The following ANKRD44 variants were observed in gnomAD, a reference collection of about 807,000 sequenced individuals.
ANKRD44 encodes the protein serine/threonine-protein phosphatase 6 regulatory ankyrin repeat subunit B.
Under a neutral mutation model 116.0 loss-of-function variants are expected in ANKRD44, and 35 were observed. The ratio of observed to expected loss-of-function variants is 0.30; its 90% CI spans 0.23 to 0.40. The LOEUF is 0.40. ANKRD44 is among the 10% of genes least tolerant of loss of function. ANKRD44 has a pLI of 1.00. For missense variants in ANKRD44, 1,014 were observed against 1,242.6 expected, an observed-to-expected ratio of 0.82 and a Z score of 2.77; for synonymous variants, 435 against 461.8, an observed-to-expected ratio of 0.94 and a Z score of 0.74.
intron 3 of ANKRD44, among the ~76,000 whole-genome samples, chr2:197,137,993 C>T (rs550079468): frequency 2.8e-4 from 42 of 152,150 alleles, no homozygotes; most frequent in African/African-American, 7.7e-4. Context: ...GAAATGAATG[C>T]GGTTTTGGAA....
intron 2 of ANKRD44, among the ~76,000 whole-genome samples, chr2:197,175,221 T>C (rs2080336966): frequency 6.6e-6 from 1 of 152,202 alleles, no homozygotes; most frequent in South Asian, 2.1e-4. Context: ...TTCTTACATA[T>C]TGGGACTTCC....
intron 1 of ANKRD44, among the ~76,000 whole-genome samples, chr2:197,281,559 G>A (rs566581604): frequency 5.3e-4 from 80 of 152,206 alleles, no homozygotes; most frequent in African/African-American, 1.6e-3. Flanking sequence ...TTTGGGCCTG[G>A]TAATTTACAA....
intron 17 of ANKRD44, chr2:197,015,715 G>A: frequency 1.8e-6 from 1 of 549,652 alleles, no homozygotes; most frequent in East Asian, 3.3e-5. Flanking sequence ...TGGCACCTAT[G>A]ATGGTGGTCC....
chr2:197,124,288 C>T (rs2579396), intron 6 of ANKRD44, among the ~76,000 whole-genome samples: 131,566 of 152,122 alleles, frequency 0.86, 58,072 homozygotes, highest in East Asian at 0.98. Context: ...TACTCTTTCT[C>T]CCTACAATTA....
rs553625085 is a variant in ANKRD44 at position 197,112,519 on chromosome 2, C to T, written c.907-1675G>A. On this transcript the variant is annotated intron_variant, in intron 8 of 27. Transcript: ENST00000282272. ...GGTCAGGAGATAGAGCCCATCTTGG[C>T]TAGCACGGTGAAACCCCGTCTCTAC... 2.4e-3 allele frequency among the ~76,000 whole-genome samples: 367 copies of T among 152,028 alleles called. 2 individuals are homozygous for T. Among genetic ancestry groups the T allele is most frequent in the African/African-American group, 8.0e-3 (332 of 41,498 alleles).
chr2:197,131,260 C>T (rs968885391), intron 4 of ANKRD44, among the ~76,000 whole-genome samples: 2 of 150,084 alleles, frequency 1.3e-5, no homozygotes, highest in African/African-American at 4.9e-5. Flanking sequence ...GGCGCGATCT[C>T]GGCTCACTGC....
intron 16 of ANKRD44, chr2:197,077,869 A>AAATGTTGATCT (rs1184480392): frequency 1.3e-5 from 2 of 152,216 alleles, no homozygotes; most frequent in Non-Finnish European, 2.9e-5. Flanking sequence ...TACACAGGGC[A>AAATGTTGATCT]AATGTTGATC....
At chr2:197,125,313 A>C (rs904348629) in intron 6 of ANKRD44, 68 bp downstream of exon 6, 6 of 1,385,130 alleles carry the variant, frequency 4.3e-6, no homozygotes, top group African/African-American at 1.4e-5. Context: ...CTACATGGTC[A>C]ATGAGAGACC....
chr2:196,998,475 T>A, intron 24 of ANKRD44, 56 bp from the exon 25 acceptor site: 2 of 1,257,664 alleles, frequency 1.6e-6, no homozygotes, highest in East Asian at 4.7e-5. Context: ...TACATGCATT[T>A]TGAAGAAGTT....
chr2:197,068,409 T>TAAAAAAAAAATA (rs71012947), intron 16 of ANKRD44, among the ~76,000 whole-genome samples: 2 of 132,006 alleles, frequency 1.5e-5, no homozygotes, highest in Non-Finnish European at 3.1e-5. Flanking sequence ...AAAAATAAAA[T>TAAAAAAAAAATA]AAAAAAAAAT....
In ANKRD44 at chr2:197,078,784, T is replaced by C; in HGVS notation, c.1569A>G (p.Ala523=). Reference sequence around the variant, plus strand: ...CTTCCTTGTCCCGGATAGATGGATTTGCATCATTTTGAAGCAGAAACTCTA... The same window carrying C: ...CTTCCTTGTCCCGGATAGATGGATTCGCATCATTTTGAAGCAGAAACTCTA... ...LCLEFLLQND[A]NPSIRDKEGY... Residue 523 remains alanine (A), a synonymous_variant, in exon 16 of 28, where the codon GCA becomes GCG. Coordinates refer to ENST00000282272, the MANE Select transcript of ANKRD44 (RefSeq NM_001195144.2). 1.2e-6 allele frequency: 2 copies of C among 1,613,220 alleles called. No homozygotes were observed. Among genetic ancestry groups the C allele is most frequent in the South Asian group, 2.2e-5 (2 of 91,072 alleles).
chr2:197,145,978 A>G (rs1456658622), intron 3 of ANKRD44, among the ~76,000 whole-genome samples: 1 of 152,220 alleles, frequency 6.6e-6, no homozygotes, highest in Non-Finnish European at 1.5e-5. Flanking sequence ...AGACATCTGC[A>G]CATGCTCAAT....
rs530575171 is a variant in ANKRD44, at chr2:197,074,279, A to G, written c.1650+4424T>C. ...CCTGCTGGGAGGTCAGGCACAACCC[A>G]AGTCCTTCTCTTAGCAGGACCTCTG... is the stretch of plus-strand genomic sequence containing the variant. On this transcript the variant is annotated intron_variant, in intron 16 of 27. Transcript: ENST00000282272. Among the ~76,000 whole-genome samples, 13 of 152,332 alleles carry G rather than the reference A, an allele frequency of 8.5e-5. No homozygotes were observed. The South Asian group carries it at 2.7e-3, about 32-fold the overall frequency.
At chr2:197,237,039 G>A (rs1294165536) in intron 1 of ANKRD44, among the ~76,000 whole-genome samples, 1 of 152,206 alleles carries the variant, frequency 6.6e-6, no homozygotes, top group African/African-American at 2.4e-5. Flanking sequence ...TGGCAATGGT[G>A]TAGAACGGAG....
At chr2:196,995,500 G>A (rs746912862) in intron 25 of ANKRD44, 39 bp from the exon 26 acceptor site, 8 of 1,456,040 alleles carry the variant, frequency 5.5e-6, no homozygotes, top group South Asian at 4.9e-5. Flanking sequence ...GCAAGATAGA[G>A]ACACAGAAAA....
chr2:197,084,190 C>G lies in ANKRD44; in HGVS notation c.1317-681G>C, dbSNP rs1019568212. On this transcript the variant is annotated intron_variant, in intron 13 of 27. Transcript: ENST00000282272. ...GTCCCAATCTCCTTTGATGGGGTAT[C>G]TCTCTCCCCTAGATGTACCCAATAG... Among the ~76,000 whole-genome samples, 119 of 152,122 alleles carry G rather than the reference C, an allele frequency of 7.8e-4. 3 individuals are homozygous for G. The highest frequency in any genetic ancestry group is 1.0e-4 in the Non-Finnish European group (7 of 68,034).
intron 21 of ANKRD44, among the ~76,000 whole-genome samples, chr2:196,981,009 CT>C (rs946907509): frequency 1.4e-5 from 2 of 147,956 alleles, no homozygotes; most frequent in Admixed American, 6.7e-5. Flanking sequence ...ACATCCAATG[CT>C]TTTTTTTCTT....
At chr2:197,232,401 G>T (rs111616329) in intron 1 of ANKRD44, among the ~76,000 whole-genome samples, 7 of 152,204 alleles carry the variant, frequency 4.6e-5, no homozygotes, top group African/African-American at 1.4e-4. Flanking sequence ...GCCCCTTAAT[G>T]TCATGTCTAA....
At chr2:197,195,147 T>G (rs1197101329) in intron 1 of ANKRD44, among the ~76,000 whole-genome samples, 1 of 152,030 alleles carries the variant, frequency 6.6e-6, no homozygotes, top group Non-Finnish European at 1.5e-5. Flanking sequence ...CCTGGTGAAT[T>G]TTTAATATTT....
Sources: gnomAD v4.1 joint callset for allele counts (sites outside exome capture counted in the v4.1 genomes callset) on GRCh38, gnomAD v4.1.1 for gene constraint, MANE v1.5 for transcripts, NCBI Gene and HGNC (gene_info 2026-07-23, HGNC 2026-07-21) for gene names.